Variants in PRKG1 observed in about 807,000 individuals in gnomAD.
PRKG1 encodes protein kinase cGMP-dependent 1.
A neutral mutation model predicts 88.1 loss-of-function variants in PRKG1; 35 were observed. The ratio of observed to expected loss-of-function variants is 0.40; its 90% CI spans 0.30 to 0.53. The LOEUF (loss-of-function observed/expected upper bound fraction) is 0.53. Ranked by LOEUF, PRKG1 falls within the 20% of genes least tolerant of loss-of-function variation. The probability of loss-of-function intolerance (pLI) is 0.59; values close to 1 mark genes in which losing one functional copy is unlikely to be tolerated. For missense variants in PRKG1, 540 were observed against 839.8 expected (o/e 0.64, Z 4.41); for synonymous variants, 303 against 292.5 (o/e 1.04, Z -0.37).
intron 6 of PRKG1, among the ~76,000 whole-genome samples, chr10:52,055,673 A>G (rs1427587199): frequency 6.6e-6 from 1 of 152,178 alleles, no homozygotes; most frequent in East Asian, 1.9e-4. Flanking sequence ...ATTATATATC[A>G]TTACAAGGAA....
intron 3 of PRKG1, among the ~76,000 whole-genome samples, chr10:51,512,191 T>TA (rs1554817304): frequency 5.4e-5 from 8 of 146,998 alleles, no homozygotes; most frequent in Non-Finnish European, 1.0e-4. Context: ...TTTTTTTTTT[T>TA]AGTTTTTTTT....
chr10:52,072,088 C>G (rs1389361334), intron 7 of PRKG1, among the ~76,000 whole-genome samples: 7 of 151,094 alleles, frequency 4.6e-5, no homozygotes. Flanking sequence ...CTGTGCGGCT[C>G]CAGCTTGTTT....
At chr10:51,731,650 T>C (rs920745999) in intron 3 of PRKG1, among the ~76,000 whole-genome samples, 21 of 152,234 alleles carry the variant, frequency 1.4e-4, no homozygotes, top group African/African-American at 3.9e-4. Flanking sequence ...GTGTTTTTTG[T>C]GTATGTAACC....
At position 51,881,494 on chromosome 10, in the gene PRKG1, A is replaced by T. The variant is rs2132880286; in HGVS notation, c.699-26013A>T. On this transcript the variant is annotated intron_variant, in intron 4 of 17. Coordinates refer to ENST00000373980, the MANE Select transcript of PRKG1 (RefSeq NM_006258.4). Reference sequence around the variant, plus strand: ...ACTGGCTTCTTCCACATGATCTTTCATAATTCAGTAGTCTAGCTGAGCTTC... The same window carrying T: ...ACTGGCTTCTTCCACATGATCTTTCTTAATTCAGTAGTCTAGCTGAGCTTC... Among the ~76,000 whole-genome samples, 3 of 152,300 alleles carry T rather than the reference A, an allele frequency of 2.0e-5. No homozygotes were observed. In the East Asian group the frequency reaches 5.8e-4, roughly 29 times the overall value.
chr10:51,305,972 G>A (rs1298516996), intron 2 of PRKG1, among the ~76,000 whole-genome samples: 1 of 152,182 alleles, frequency 6.6e-6, no homozygotes, highest in Non-Finnish European at 1.5e-5. Flanking sequence ...CTTGGAGGCA[G>A]TCCTGAGTAG....
chr10:51,481,626 A>ATTTT (rs1244037253), intron 3 of PRKG1, among the ~76,000 whole-genome samples: 2 of 152,168 alleles, frequency 1.3e-5, no homozygotes, highest in Non-Finnish European at 2.9e-5. Flanking sequence ...TTTATTTGAA[A>ATTTT]TTTTAAATCC....
chr10:51,472,264 T>G (rs369090307), intron 3 of PRKG1, among the ~76,000 whole-genome samples: 9 of 152,026 alleles, frequency 5.9e-5, no homozygotes, highest in African/African-American at 2.2e-4. Flanking sequence ...TTTGAGTCTA[T>G]GTAGTGAAAT....
upstream of PRKG1, among the ~76,000 whole-genome samples, chr10:51,072,796 G>T (rs1442489924): frequency 1.5e-4 from 23 of 152,184 alleles, no homozygotes; most frequent in Admixed American, 4.6e-4. Flanking sequence ...CACTTTAAAT[G>T]AACAAGCTTG....
intron 2 of PRKG1, among the ~76,000 whole-genome samples, chr10:51,437,651 A>G (rs1396106936): frequency 2.0e-5 from 3 of 151,934 alleles, no homozygotes; most frequent in African/African-American, 7.2e-5. Context: ...CCCAAAACAT[A>G]CTAAGCATTT....
intron 2 of PRKG1, among the ~76,000 whole-genome samples, chr10:51,391,091 C>T (rs1459353684): frequency 6.6e-6 from 1 of 152,140 alleles, no homozygotes; most frequent in Non-Finnish European, 1.5e-5. Context: ...GATTGTAGAA[C>T]TTGTGGAGGA....
At chr10:52,041,470 A>G (rs1381770344) in intron 5 of PRKG1, among the ~76,000 whole-genome samples, 1 of 152,302 alleles carries the variant, frequency 6.6e-6, no homozygotes, top group Non-Finnish European at 1.5e-5. Context: ...TGGTTTTGCT[A>G]TCAGAGTAAT....
intron 3 of PRKG1, among the ~76,000 whole-genome samples, chr10:51,582,707 A>G (rs561217737): frequency 1.3e-5 from 2 of 152,060 alleles, no homozygotes; most frequent in African/African-American, 2.4e-5. Flanking sequence ...TCTATCATTG[A>G]TGGGCATTTG....
chr10:51,836,602 A>G (rs1840136905), intron 4 of PRKG1, among the ~76,000 whole-genome samples: 1 of 152,102 alleles, frequency 6.6e-6, no homozygotes, highest in Admixed American at 6.6e-5. Context: ...AAGGAGTGAG[A>G]CAAAGGTCTA....
chr10:51,161,145 A>G (rs565200449), intron 2 of PRKG1, among the ~76,000 whole-genome samples: 6 of 152,204 alleles, frequency 3.9e-5, no homozygotes, highest in Admixed American at 3.3e-4. Context: ...TTTTTCTGTG[A>G]GAGTGGATTT....
At chr10:51,835,360 G>T (rs1333106218) in intron 4 of PRKG1, among the ~76,000 whole-genome samples, 1 of 152,192 alleles carries the variant, frequency 6.6e-6, no homozygotes, top group African/African-American at 2.4e-5. Context: ...TTTCTAAAGA[G>T]CACATCTCTG....
chr10:51,890,834 T>C (rs1209314132), intron 4 of PRKG1, among the ~76,000 whole-genome samples: 1 of 152,134 alleles, frequency 6.6e-6, no homozygotes, highest in Non-Finnish European at 1.5e-5. Context: ...TGCACACCAG[T>C]AATCCCAGCT....
chr10:51,994,725 T>C (rs1341106536), intron 5 of PRKG1, among the ~76,000 whole-genome samples: 1 of 152,136 alleles, frequency 6.6e-6, no homozygotes, highest in Non-Finnish European at 1.5e-5. Flanking sequence ...TGTGCTGTTG[T>C]CTCTTCATAT....
chr10:51,727,174 C>T (rs1236962703), intron 3 of PRKG1, among the ~76,000 whole-genome samples: 1 of 151,686 alleles, frequency 6.6e-6, no homozygotes, highest in Non-Finnish European at 1.5e-5. Flanking sequence ...GGCATGATGA[C>T]ACACACCTGT....
At chr10:51,459,049 A>G (rs934362904) in intron 2 of PRKG1, among the ~76,000 whole-genome samples, 7 of 152,220 alleles carry the variant, frequency 4.6e-5, no homozygotes, top group African/African-American at 1.7e-4. Context: ...AGATACATGC[A>G]AATTCCTGAG....
Sources: gnomAD v4.1 joint callset for allele counts (sites outside exome capture counted in the v4.1 genomes callset) on GRCh38, gnomAD v4.1.1 for gene constraint, MANE v1.5 for transcripts, NCBI Gene and HGNC (gene_info 2026-07-23, HGNC 2026-07-21) for gene names.